The following HS6ST3 variants were observed in gnomAD, a reference collection of about 807,000 sequenced individuals.
The protein encoded by HS6ST3 is heparan sulfate 6-O-sulfotransferase 3, also known as heparan-sulfate 6-O-sulfotransferase 3.
In HS6ST3, 12 loss-of-function variants were observed where a neutral mutation model predicts 36.7. The observed-to-expected ratio is 0.33, with a 90% CI of 0.21 to 0.53. The LOEUF (loss-of-function observed/expected upper bound fraction) is 0.53. Among genes scored for constraint, HS6ST3 ranks in the 20% least tolerant of loss-of-function variants. The pLI is 0.95. For synonymous variants in HS6ST3, 240 were observed against 257.5 expected (o/e 0.93, Z 0.65); for missense variants, 584 against 640.9 (o/e 0.91, Z 0.96).
chr13:96,332,380 C>T (rs1040418835), intron 1 of HS6ST3, among the ~76,000 whole-genome samples: 24 of 152,112 alleles, frequency 1.6e-4, no homozygotes, highest in African/African-American at 3.9e-4. Flanking sequence ...TGCTTACTAA[C>T]GGTAACCTTT....
At chr13:96,827,711 A>T (rs1878679750) in intron 1 of HS6ST3, among the ~76,000 whole-genome samples, 1 of 152,200 alleles carries the variant, frequency 6.6e-6, no homozygotes, top group Admixed American at 6.5e-5. Context: ...TGTAAATATC[A>T]TCCTACAATT....
intron 1 of HS6ST3, among the ~76,000 whole-genome samples, chr13:96,734,242 A>G (rs555264176): frequency 6.6e-6 from 1 of 152,350 alleles, no homozygotes; most frequent in Non-Finnish European, 1.5e-5. Context: ...AGTGCTGCAC[A>G]AAGGAAATAC....
chr13:96,385,921 C>A (rs554071142), intron 1 of HS6ST3, among the ~76,000 whole-genome samples: 2 of 152,280 alleles, frequency 1.3e-5, no homozygotes, highest in South Asian at 4.1e-4. Flanking sequence ...AGATTTAAAT[C>A]TAGGCCTGGG....
At chr13:96,121,290 G>T (rs2139306300) in intron 1 of HS6ST3, among the ~76,000 whole-genome samples, 1 of 152,238 alleles carries the variant, frequency 6.6e-6, no homozygotes, top group East Asian at 1.9e-4. Context: ...CGACCAAGTA[G>T]GTTTTATGGG....
chr13:96,304,922 GCTGGT>G (rs2139405891), intron 1 of HS6ST3, among the ~76,000 whole-genome samples: 1 of 151,642 alleles, frequency 6.6e-6, no homozygotes, highest in Admixed American at 6.6e-5. Flanking sequence ...TATTGGCCAG[GCTGGT>G]CTCGAACTTA....
At chr13:96,211,182 T>C (rs191982715) in intron 1 of HS6ST3, among the ~76,000 whole-genome samples, 1 of 152,356 alleles carries the variant, frequency 6.6e-6, no homozygotes, top group Admixed American at 6.5e-5. Flanking sequence ...TACATCTGCC[T>C]TGGGCTCCCA....
At chr13:96,218,144 C>T (rs16951711) in intron 1 of HS6ST3, among the ~76,000 whole-genome samples, 7,970 of 152,222 alleles carry the variant, frequency 0.052, 371 homozygotes, top group African/African-American at 0.13. Flanking sequence ...TTCTGGGACT[C>T]AGGAATGGCA....
chr13:96,806,403 A>C (rs9513184), intron 1 of HS6ST3, among the ~76,000 whole-genome samples: 2,185 of 152,330 alleles, frequency 0.014, 22 homozygotes, highest in Non-Finnish European at 0.023. Context: ...TAATTAAATA[A>C]ATGATTAAAA....
intron 1 of HS6ST3, among the ~76,000 whole-genome samples, chr13:96,428,825 G>A (rs1172065472): frequency 6.6e-6 from 1 of 152,146 alleles, no homozygotes; most frequent in East Asian, 1.9e-4. Context: ...TGGCAAAGTG[G>A]AGAAAACCAT....
intron 1 of HS6ST3, among the ~76,000 whole-genome samples, chr13:96,581,395 A>AT (rs1428784661): frequency 1.3e-4 from 20 of 151,252 alleles, no homozygotes; most frequent in East Asian, 5.9e-4. Flanking sequence ...AATTTTTTGT[A>AT]TTTTTTTTAG....
chr13:96,211,325 T>C (rs16951691), intron 1 of HS6ST3, among the ~76,000 whole-genome samples: 7,201 of 152,338 alleles, frequency 0.047, 294 homozygotes, highest in Admixed American at 0.12. Flanking sequence ...ACTGTTCATC[T>C]GGAGCCAGTC....
intron 1 of HS6ST3, among the ~76,000 whole-genome samples, chr13:96,171,747 T>C (rs1267188438): frequency 2.0e-5 from 3 of 152,206 alleles, no homozygotes; most frequent in Non-Finnish European, 4.4e-5. Context: ...TGAGTAGTTA[T>C]GTCCTAGCAA....
At chr13:96,130,899 T>A (rs920373755) in intron 1 of HS6ST3, among the ~76,000 whole-genome samples, 21 of 152,144 alleles carry the variant, frequency 1.4e-4, no homozygotes, top group Admixed American at 7.9e-4. Flanking sequence ...CTTGCAGTTA[T>A]TAGAAATGTC....
At chr13:96,241,413 A>G (rs941392780) in intron 1 of HS6ST3, among the ~76,000 whole-genome samples, 1 of 151,994 alleles carries the variant, frequency 6.6e-6, no homozygotes, top group African/African-American at 2.4e-5. Flanking sequence ...TTATCCATGG[A>G]CCTATGAAAT....
At chr13:96,698,948 T>C (rs563415675) in intron 1 of HS6ST3, among the ~76,000 whole-genome samples, 56 of 152,194 alleles carry the variant, frequency 3.7e-4, no homozygotes, top group African/African-American at 1.2e-3. Flanking sequence ...TAATGCTGCA[T>C]ATCTACAACT....
At chr13:96,443,812 G>C (rs1320181304) in intron 1 of HS6ST3, among the ~76,000 whole-genome samples, 2 of 152,144 alleles carry the variant, frequency 1.3e-5, no homozygotes, top group Admixed American at 6.5e-5. Flanking sequence ...GTAAGTACTT[G>C]TTATTCATTT....
chr13:96,120,068 C>G (rs1042238332), intron 1 of HS6ST3, among the ~76,000 whole-genome samples: 2 of 152,084 alleles, frequency 1.3e-5, no homozygotes, highest in African/African-American at 4.8e-5. Context: ...GCCCCTAATT[C>G]AATATAACTG....
chr13:96,304,810 A>G (rs938547877), intron 1 of HS6ST3, among the ~76,000 whole-genome samples: 3 of 149,572 alleles, frequency 2.0e-5, no homozygotes, highest in African/African-American at 7.4e-5. Context: ...TCCCGGGTTC[A>G]AGCAATTCTC....
chr13:96,425,727 C>T (rs1177147166), intron 1 of HS6ST3, among the ~76,000 whole-genome samples: 1 of 152,062 alleles, frequency 6.6e-6, no homozygotes, highest in Non-Finnish European at 1.5e-5. Context: ...AATAACCATT[C>T]TCTACTAACC....
Sources: gnomAD v4.1 joint callset for allele counts (sites outside exome capture counted in the v4.1 genomes callset) on GRCh38, gnomAD v4.1.1 for gene constraint, MANE v1.5 for transcripts, NCBI Gene and HGNC (gene_info 2026-07-23, HGNC 2026-07-21) for gene names.